The following GPAM variants were observed in gnomAD, a reference collection of about 807,000 sequenced individuals.
GPAM encodes the protein glycerol-3-phosphate acyltransferase, mitochondrial, also known as glycerol-3-phosphate acyltransferase 1, mitochondrial.
Under a neutral mutation model 105.0 loss-of-function variants are expected in GPAM, and 56 were observed. The observed-to-expected ratio is 0.53, with a 90% CI of 0.43 to 0.67. The LOEUF (loss-of-function observed/expected upper bound fraction) is 0.67, where lower values mean the gene tolerates loss of function less well. Ranked by LOEUF, GPAM falls within the 30% of genes least tolerant of loss-of-function variation. The pLI is 0.00. For synonymous variants in GPAM, 368 were observed against 354.4 expected, an observed-to-expected ratio of 1.04 and a Z score of -0.43; for missense variants, 855 against 989.8, an observed-to-expected ratio of 0.86 and a Z score of 1.83.
intron 1 of GPAM, among the ~76,000 whole-genome samples, chr10:112,197,339 T>G (rs1320928391): frequency 6.6e-6 from 1 of 152,182 alleles, no homozygotes; most frequent in Non-Finnish European, 1.5e-5. Context: ...ATTGCTTACT[T>G]GGTTAGTAAA....
At chr10:112,159,577 C>G (rs1847084924) in intron 17 of GPAM, among the ~76,000 whole-genome samples, 1 of 152,156 alleles carries the variant, frequency 6.6e-6, no homozygotes, top group Non-Finnish European at 1.5e-5. Context: ...GTTCCATCAT[C>G]TACAGGTGGG....
At chr10:112,165,667 G>A (rs1052401603) in intron 12 of GPAM, among the ~76,000 whole-genome samples, 15 of 152,172 alleles carry the variant, frequency 9.9e-5, no homozygotes, top group African/African-American at 3.4e-4. Flanking sequence ...TCCAGCCTGG[G>A]CTACAAGAAC....
chr10:112,155,468 G>A (rs143824166), intron 20 of GPAM: 38 of 239,212 alleles, frequency 1.6e-4, no homozygotes, highest in East Asian at 1.1e-3. Context: ...GTATATAGGG[G>A]CACAGATATT....
At position 112,152,365 on chromosome 10, in the gene GPAM, T is replaced by C. The variant is rs542239176; in HGVS notation, c.*1185A>G. On this transcript the variant is annotated 3_prime_UTR_variant, in exon 22 of 22. Transcript: ENST00000348367. Reference sequence around the variant, plus strand: ...CATTTTTCATAATTATTTACCACTATGTGGCATAAGGGTTTAGGCATATAA... The same window carrying C: ...CATTTTTCATAATTATTTACCACTACGTGGCATAAGGGTTTAGGCATATAA... The C allele has an allele frequency of 2.1e-5, 21 of 984,710 alleles. No homozygotes were observed. In the African/African-American group the frequency reaches 3.5e-4, roughly 16 times the overall value. The allele number at this position is 984,710 out of a possible 1,614,324, so 61.0% of individuals were successfully genotyped here. A position where few individuals can be genotyped will look rare whatever the true frequency, so the allele number is the denominator to read the frequency against.
intron 13 of GPAM, among the ~76,000 whole-genome samples, 177 bp from the exon 14 acceptor site, chr10:112,163,993 CA>C (rs891117007): frequency 1.3e-5 from 2 of 152,244 alleles, no homozygotes; most frequent in African/African-American, 4.8e-5. Flanking sequence ...ATGGCCTGGC[CA>C]AAACATGTTA....
chr10:112,187,780 C>T (rs1847612788), upstream of GPAM, among the ~76,000 whole-genome samples: 2 of 152,042 alleles, frequency 1.3e-5, no homozygotes, highest in Non-Finnish European at 2.9e-5. Flanking sequence ...ACAGAACATC[C>T]ACCAAGATAG....
At position 112,181,976 on chromosome 10, in the gene GPAM, T is replaced by C. The variant is rs187089780; in HGVS notation, c.-29-163A>G. Among the ~76,000 whole-genome samples the C allele has an allele frequency of 9.9e-4, 150 of 152,188 alleles. 1 individual carries two copies. The highest frequency in any genetic ancestry group is 8.7e-3 in the Admixed American group (133 of 15,290). ...CAAGGTAAAAACTGACTTTGATGTG[T>C]TTATATGAACACAGTTAGGCTTCCC... is the stretch of plus-strand genomic sequence containing the variant. On this transcript the variant is annotated intron_variant, in intron 2 of 21. Coordinates refer to ENST00000348367, the MANE Select transcript of GPAM (RefSeq NM_001244949.2).
At chr10:112,198,020 G>A (rs1589606649) in intron 1 of GPAM, among the ~76,000 whole-genome samples, 1 of 152,222 alleles carries the variant, frequency 6.6e-6, no homozygotes, top group East Asian at 1.9e-4. Context: ...GAAGGGTCTT[G>A]GAATGTTTAA....
At chr10:112,217,487 T>G (rs1031232860), upstream of GPAM, among the ~76,000 whole-genome samples, 1 of 151,914 alleles carries the variant, frequency 6.6e-6, no homozygotes, top group African/African-American at 2.4e-5. Context: ...TGGACATTCA[T>G]GTACAAGTTT....
Position 112,154,634 on chromosome 10 carries a change from T to C in GPAM, c.2365A>G (p.Ile789Val), listed in dbSNP as rs983393955. The C allele has an allele frequency of 1.3e-6, 2 of 1,599,202 alleles. No individual in the cohort carries two copies. The highest frequency in any genetic ancestry group is 1.7e-6 in the Non-Finnish European group (2 of 1,166,392). The change falls in exon 21 of 22, where the codon ATT becomes GTT. Residue 789 changes from isoleucine to valine, a missense_variant. Coordinates refer to ENST00000348367, the MANE Select transcript of GPAM (RefSeq NM_001244949.2). ...VKNAVKMFKD[I>V]GVFKETKQKR... ...CATAAATGGTGGACACCTACCCCAA[T>C]ATCCTTAAACATTTTCACAGCATTC...
chr10:112,166,828 C>T (rs1847226445), intron 11 of GPAM, among the ~76,000 whole-genome samples: 1 of 152,122 alleles, frequency 6.6e-6, no homozygotes, highest in African/African-American at 2.4e-5. Context: ...GAAAAAATGA[C>T]ATAGCCTGGA....
intron 9 of GPAM, among the ~76,000 whole-genome samples, chr10:112,171,061 C>T (rs1321587736): frequency 6.6e-6 from 1 of 152,224 alleles, no homozygotes; most frequent in African/African-American, 2.4e-5. Flanking sequence ...CTTCCAGTCT[C>T]TTTCTAAATT....
chr10:112,161,488 G>A (rs770573688), intron 15 of GPAM, among the ~76,000 whole-genome samples, 179 bp downstream of exon 15: 2 of 152,174 alleles, frequency 1.3e-5, no homozygotes, highest in Non-Finnish European at 2.9e-5. Flanking sequence ...GTTTTTAAAT[G>A]TAGATTCTTC....
chr10:112,200,293 C>G (rs1301670996), intron 1 of GPAM, among the ~76,000 whole-genome samples: 1 of 145,778 alleles, frequency 6.9e-6, no homozygotes, highest in East Asian at 2.1e-4. Context: ...AACAACTATA[C>G]TGTTGATCGT....
intron 11 of GPAM, among the ~76,000 whole-genome samples, chr10:112,167,868 C>T (rs2076826242): frequency 1.3e-5 from 2 of 152,178 alleles, no homozygotes; most frequent in South Asian, 2.1e-4. Flanking sequence ...AAAAGGTATA[C>T]TGAAAAAGTC....
In GPAM at chr10:112,152,311, C is replaced by T. The variant is rs546896504; in HGVS notation, c.*1239G>A. On this transcript the variant is annotated 3_prime_UTR_variant, in exon 22 of 22. Transcript: ENST00000348367. ...AACCAATAATTATGCTCCCTGCTCA[C>T]AAAAGGCACCTACCAATTATGAACA... The T allele has an allele frequency of 1.3e-4, 129 of 984,616 alleles. No homozygotes were observed. The highest frequency in any genetic ancestry group is 1.5e-4 in the Non-Finnish European group (124 of 829,314). The allele number at this position is 984,616 out of a possible 1,614,324, so 61.0% of individuals were successfully genotyped here.
chr10:112,166,816 A>C (rs1367238553), intron 11 of GPAM, among the ~76,000 whole-genome samples: 1 of 152,238 alleles, frequency 6.6e-6, no homozygotes, highest in Non-Finnish European at 1.5e-5. Flanking sequence ...AAACTAATGA[A>C]GGAAAAAATG....
In GPAM at chr10:112,150,633, GA is replaced by G; in HGVS notation, c.*2916del. 3 of 918,556 alleles carry G rather than the reference GA, an allele frequency of 3.3e-6. No individual in the cohort carries two copies. The highest frequency in any genetic ancestry group is 3.9e-6 in the Non-Finnish European group (3 of 768,976). The allele number at this position is 918,556 out of a possible 1,614,324, so 56.9% of individuals were successfully genotyped here. On this transcript the variant is annotated 3_prime_UTR_variant, in exon 22 of 22. Transcript: ENST00000348367. The stretch of plus-strand genomic sequence containing the variant: ...AGAGGTTCATAAGTATCCCAAAGGA[GA>G]AAAAGGTCCTGGTGTCAAAATAGTT...
intron 6 of GPAM, 102 bp from the exon 7 acceptor site, chr10:112,173,947 T>C (rs561164166): frequency 4.2e-6 from 4 of 944,848 alleles, no homozygotes; most frequent in African/African-American, 1.6e-5. Context: ...ACAAAATGTA[T>C]GTTCTCTTTA....
Sources: allele counts gnomAD v4.1 joint callset (sites outside exome capture counted in the v4.1 genomes callset), GRCh38; gene constraint gnomAD v4.1.1; transcripts MANE v1.5; gene names NCBI Gene and HGNC (gene_info 2026-07-23, HGNC 2026-07-21).